POLQ: variants seen among roughly 807,000 people sequenced by gnomAD.
The protein encoded by POLQ is epididymis secretory sperm binding protein.
In POLQ, 233 loss-of-function variants were observed where a neutral mutation model predicts 259.2. The ratio of observed to expected loss-of-function variants is 0.90; its 90% CI spans 0.81 to 1.00. POLQ has a LOEUF of 1.00. Among genes scored for constraint, POLQ ranks in the 50% least tolerant of loss-of-function variants. POLQ has a pLI of 0.00. For missense variants in POLQ, 2,871 were observed against 3,051.6 expected (o/e 0.94, Z 1.39); for synonymous variants, 1,025 against 1,048.8 (o/e 0.98, Z 0.44).
chr3:121,448,858 T>C (rs747761119), intron 26 of POLQ, among the ~76,000 whole-genome samples: 5 of 152,196 alleles, frequency 3.3e-5, no homozygotes, highest in African/African-American at 4.8e-5. Context: ...TGAATCTAAT[T>C]ATTATACGTA....
At chr3:121,453,497 A>G (rs1361772087) in intron 25 of POLQ, among the ~76,000 whole-genome samples, 2 of 152,198 alleles carry the variant, frequency 1.3e-5, no homozygotes, top group African/African-American at 4.8e-5. Context: ...TTAGAATAAA[A>G]TTTAGACAAA....
At chr3:121,457,870 C>T (rs1293251330) in intron 25 of POLQ, among the ~76,000 whole-genome samples, 1 of 152,118 alleles carries the variant, frequency 6.6e-6, no homozygotes, top group Non-Finnish European at 1.5e-5. Flanking sequence ...TTTGACCCAG[C>T]CATCCCATTA....
chr3:121,460,908 A>G (rs191858820), intron 24 of POLQ, among the ~76,000 whole-genome samples: 2 of 152,354 alleles, frequency 1.3e-5, no homozygotes, highest in Admixed American at 1.3e-4. Context: ...AAAAATTAGA[A>G]AAATATTTGC....
rs1169639978 is a variant in POLQ at position 121,520,012 on chromosome 3, T to C, written c.1327A>G (p.Thr443Ala). The stretch of plus-strand genomic sequence containing the variant: ...TTCACCCCAGAAGAAAGAGTAGAAG[T>C]TGCCGCCAAGACCCGAATGAGACCT... Reference protein sequence around the residue: ...RQGLIRVLAATSTLSSGVNLP... With the variant: ...RQGLIRVLAAASTLSSGVNLP... Residue 443 changes from threonine to alanine, a missense_variant, in exon 9 of 30, where the codon ACT (threonine) becomes GCT (alanine). Thr to Ala is a moderately conservative substitution (Grantham distance 58). Transcript: ENST00000264233. 6.2e-7 allele frequency: 1 copy of C among 1,613,426 alleles called. No individual in the cohort carries two copies. Among genetic ancestry groups the C allele is most frequent in the African/African-American group, 1.3e-5 (1 of 75,008 alleles).
intron 9 of POLQ, among the ~76,000 whole-genome samples, chr3:121,518,394 G>C (rs1349146846): frequency 1.3e-5 from 2 of 152,142 alleles, no homozygotes; most frequent in Non-Finnish European, 2.9e-5. Context: ...AAAGAAGCTT[G>C]TTCACAGTAT....
rs1287223917 is a variant in POLQ, at chr3:121,519,891, C to A, written c.1448G>T (p.Arg483Met). 6.3e-7 allele frequency: 1 copy of A among 1,591,954 alleles called. No homozygotes were observed. Among genetic ancestry groups the A allele is most frequent in the Non-Finnish European group, 8.6e-7 (1 of 1,159,930 alleles). The change falls in exon 9 of 30, where the codon AGG becomes ATG. Residue 483 changes from arginine (R) to methionine (M), a missense_variant. Around this residue, in one of 3 missense-constraint regions of POLQ, gnomAD observed 783 missense variants for 906.2 expected, o/e 0.86. Coordinates refer to ENST00000264233, the MANE Select transcript of POLQ (RefSeq NM_199420.4). ...TYKQMVGRAGRKGVDTVGESI... is the reference protein window; with the variant it reads ...TYKQMVGRAGMKGVDTVGESI... ...CTTACCTACTGTGTCCACTCCTTTC[C>A]TGCCAGCACGGCCAACCATCTGCTT...
chr3:121,460,234 C>T lies in POLQ; in HGVS notation c.6968G>A (p.Gly2323Asp). 6.2e-7 allele frequency: 1 copy of T among 1,608,040 alleles called. No individual in the cohort carries two copies. The highest frequency in any genetic ancestry group is 8.5e-7 in the Non-Finnish European group (1 of 1,174,618). Reference protein sequence around the residue: ...SMRHAFVPFPGGSILAADYSQ... With the variant: ...SMRHAFVPFPDGSILAADYSQ... ...GTAGTCAGCAGCCAGTATTGAACCA[C>T]CTGAAGTAGAAGTGATTTCAGAAAA... is the stretch of plus-strand genomic sequence containing the variant. Residue 2323 changes from glycine (G) to aspartate (D), a missense_variant and splice_region_variant, in exon 25 of 30, where the codon GGT becomes GAT. Physicochemically the swap from Gly to Asp is moderately conservative, Grantham distance 94. Coordinates refer to ENST00000264233, the MANE Select transcript of POLQ (RefSeq NM_199420.4).
chr3:121,455,264 C>T (rs2047723246), intron 25 of POLQ, among the ~76,000 whole-genome samples: 1 of 142,082 alleles, frequency 7.0e-6, no homozygotes, highest in Non-Finnish European at 1.5e-5. Context: ...GCACTAAATG[C>T]CCACAAGAGA....
At position 121,544,870 on chromosome 3, in the gene POLQ, T is replaced by C. The variant is rs1477886624; in HGVS notation, c.200A>G (p.Asp67Gly). The C allele has an allele frequency of 1.9e-6, 3 of 1,611,492 alleles. No individual in the cohort carries two copies. Among genetic ancestry groups the C allele is most frequent in the Non-Finnish European group, 2.5e-6 (3 of 1,177,950 alleles). Residue 67 changes from aspartate (D) to glycine (G), a missense_variant, in exon 2 of 30, where the codon GAC (aspartate) becomes GGC (glycine). Physicochemically the swap from Asp to Gly is moderately conservative, Grantham distance 94 (BLOSUM62 -1). Transcript: ENST00000264233. ...TCCCCAGTTTGCCAATAGTAGCTTG[T>C]CTCTTTCGTAGTCAGGAACTGTAGG... is the stretch of plus-strand genomic sequence containing the variant. ...CKPTVPDYER[D>G]KLLLANWGLP... is the part of the protein sequence containing the mutation.
At chr3:121,439,758 G>C (rs1422588177) in intron 27 of POLQ, among the ~76,000 whole-genome samples, 2 of 152,232 alleles carry the variant, frequency 1.3e-5, no homozygotes, top group East Asian at 3.8e-4. Context: ...CATGTTTAAA[G>C]TATTATTAAG....
chr3:121,515,694 C>T (rs73179904), intron 9 of POLQ, among the ~76,000 whole-genome samples: 9,077 of 152,238 alleles, frequency 0.06, 327 homozygotes, highest in African/African-American at 0.091. Flanking sequence ...TCTATCCCTG[C>T]CAAAGAACAC....
chr3:121,452,024 T>G (rs2108779190), intron 25 of POLQ, among the ~76,000 whole-genome samples: 1 of 151,994 alleles, frequency 6.6e-6, no homozygotes, highest in Admixed American at 6.6e-5. Context: ...TGCCTTGCAG[T>G]TCGATCTCAG....
chr3:121,490,133 T>G lies in POLQ; in HGVS notation c.2798A>C (p.Lys933Thr). 1.2e-6 allele frequency: 2 copies of G among 1,608,936 alleles called. No individual in the cohort carries two copies. The highest frequency in any genetic ancestry group is 8.5e-7 in the Non-Finnish European group (1 of 1,176,764). ...GTTACTTTTGTTCTTTGATGTTAAT[T>G]TTTTATAAGAACTCTTAGTTTGGGA... ...FISQTKSSYK[K>T]LTSKNKSNTI... The change falls in exon 16 of 30, where the codon AAA (lysine) becomes ACA (threonine). Residue 933 changes from lysine to threonine, a missense_variant. Around this residue, in one of 3 missense-constraint regions of POLQ, gnomAD observed 2,080 missense variants for 2,126.0 expected, o/e 0.98. Coordinates refer to ENST00000264233, the MANE Select transcript of POLQ (RefSeq NM_199420.4).
At chr3:121,445,416 T>C (rs1341752527) in intron 26 of POLQ, among the ~76,000 whole-genome samples, 1 of 152,210 alleles carries the variant, frequency 6.6e-6, no homozygotes, top group Non-Finnish European at 1.5e-5. Context: ...ATTACTGGCA[T>C]ATAGCTGCTC....
chr3:121,455,947 C>G (rs1487272590), intron 25 of POLQ, among the ~76,000 whole-genome samples: 2 of 152,114 alleles, frequency 1.3e-5, no homozygotes, highest in African/African-American at 4.8e-5. Flanking sequence ...AATTTTAGTC[C>G]AAAGTCCTTG....
intron 25 of POLQ, among the ~76,000 whole-genome samples, chr3:121,451,163 A>C (rs1315499912): frequency 6.6e-6 from 1 of 151,974 alleles, no homozygotes. Context: ...ACTTCTCTAC[A>C]CTGGTTATTC....
chr3:121,451,412 A>T lies in POLQ; in HGVS notation c.7153-1986T>A, dbSNP rs372918743. ...TTCTGCTCTGTTTTTTCCCCATCTT[A>T]GTGGTTTTATCTACCTTTGGTCTTT... On this transcript the variant is annotated intron_variant, in intron 25 of 29. Coordinates refer to ENST00000264233, the MANE Select transcript of POLQ (RefSeq NM_199420.4). Among the ~76,000 whole-genome samples, 4 of 152,090 alleles carry T rather than the reference A, an allele frequency of 2.6e-5. 1 individual carries two copies. The highest frequency in any genetic ancestry group is 2.4e-5 in the African/African-American group (1 of 41,468).
chr3:121,521,628 G>C (rs956570684), intron 8 of POLQ: 7 of 155,042 alleles, frequency 4.5e-5, no homozygotes, highest in African/African-American at 1.4e-4. Flanking sequence ...GGAGTACAGT[G>C]GCACGATCTC....
chr3:121,531,831 T>C (rs1465154962), intron 6 of POLQ, among the ~76,000 whole-genome samples: 1 of 152,114 alleles, frequency 6.6e-6, no homozygotes, highest in Admixed American at 6.5e-5. Flanking sequence ...CCAGGCGAAA[T>C]ATGGGGCACA....
Sources: allele counts gnomAD v4.1 joint callset (sites outside exome capture counted in the v4.1 genomes callset), GRCh38; gene constraint gnomAD v4.1.1; regional missense constraint gnomAD v4.1.1; transcripts MANE v1.5; gene names NCBI Gene and HGNC (gene_info 2026-07-23, HGNC 2026-07-21).